The following LIMK1 variants were observed in gnomAD, a reference collection of about 807,000 sequenced individuals.
LIMK1 encodes LIM domain kinase 1.
Under a neutral mutation model 77.6 loss-of-function variants are expected in LIMK1, and 21 were observed. The ratio of observed to expected loss-of-function variants is 0.27; its 90% CI spans 0.19 to 0.39. LIMK1 has a LOEUF of 0.39. LIMK1 is among the 10% of genes least tolerant of loss of function. The pLI is 1.00. For missense variants in LIMK1, 696 were observed against 901.6 expected, an observed-to-expected ratio of 0.77 and a Z score of 2.92; for synonymous variants, 358 against 370.0, an observed-to-expected ratio of 0.97 and a Z score of 0.37.
rs201165415 is a variant in LIMK1, at chr7:74,121,217, G to A, written c.1860G>A (p.Gln620=). The change falls in exon 16 of 16, where the codon CAG becomes CAA. Residue 620 remains glutamine (Q), a synonymous_variant. Transcript: ENST00000336180. The part of the protein sequence containing the change: ...HLAGHLPLGP[Q]LEQLDRGFWE... ...CCGGCCACCTGCCACTGGGCCCACA[G>A]CTGGAGCAGCTGGACAGAGGTTTCT... is the stretch of plus-strand genomic sequence containing the variant. 7 of 1,613,868 alleles carry A rather than the reference G, an allele frequency of 4.3e-6. No homozygotes were observed. Among genetic ancestry groups the A allele is most frequent in the South Asian group, 1.1e-5 (1 of 91,078 alleles).
chr7:74,087,409 T>C (rs1425414179), intron 2 of LIMK1, among the ~76,000 whole-genome samples: 3 of 151,928 alleles, frequency 2.0e-5, no homozygotes, highest in African/African-American at 7.3e-5. Context: ...GTCTCAATTT[T>C]TAAAAAAGAA....
At chr7:74,118,169 G>T (rs1031868114) in intron 13 of LIMK1, among the ~76,000 whole-genome samples, 5 of 151,394 alleles carry the variant, frequency 3.3e-5, no homozygotes, top group Admixed American at 3.3e-4. Context: ...GAGGTCAAGA[G>T]ATTGAGACCA....
intron 12 of LIMK1, among the ~76,000 whole-genome samples, chr7:74,114,469 T>G (rs1344936366): frequency 1.3e-5 from 2 of 151,048 alleles, no homozygotes; most frequent in Non-Finnish European, 2.9e-5. Flanking sequence ...GAGGATCGCT[T>G]GAGCCTGGGA....
intron 5 of LIMK1, 40 bp downstream of exon 5, chr7:74,099,278 A>C (rs373252592): frequency 6.4e-7 from 1 of 1,573,440 alleles, no homozygotes; most frequent in Non-Finnish European, 8.6e-7. Context: ...CGGTGTGGCT[A>C]TGGCTGTTGA....
Position 74,097,074 on chromosome 7 carries a change from C to T in LIMK1, c.292-6C>T. On this transcript the variant is annotated splice_region_variant and splice_polypyrimidine_tract_variant and intron_variant, in intron 3 of 15. Coordinates refer to ENST00000336180, the MANE Select transcript of LIMK1 (RefSeq NM_002314.4). ...CTGGGCTGTTCCCTCCTCACCCCCG[C>T]ACCAGGTGGCTGGGGAGCTGAAGTA... is the stretch of plus-strand genomic sequence containing the variant. 1.9e-6 allele frequency: 3 copies of T among 1,606,270 alleles called. No homozygotes were observed. The highest frequency in any genetic ancestry group is 2.7e-5 in the African/African-American group (2 of 74,936).
chr7:74,118,425 CAG>C (rs1195530544), intron 13 of LIMK1, among the ~76,000 whole-genome samples: 9 of 134,444 alleles, frequency 6.7e-5, no homozygotes, highest in South Asian at 2.4e-4. Context: ...CACACACACA[CAG>C]AGTTAACATA....
intron 5 of LIMK1, among the ~76,000 whole-genome samples, chr7:74,099,606 T>C (rs1799414217): frequency 6.6e-6 from 1 of 151,544 alleles, no homozygotes; most frequent in African/African-American, 2.4e-5. Context: ...AGTGTGTGCC[T>C]ATAGTGCCAG....
At chr7:74,084,724 G>A (rs536009065) in intron 1 of LIMK1, among the ~76,000 whole-genome samples, 41 of 152,206 alleles carry the variant, frequency 2.7e-4, no homozygotes, top group Non-Finnish European at 5.1e-4. Context: ...TCCCTCACTG[G>A]GGCCCAAGGC....
At chr7:74,085,196 G>A (rs810539) in intron 1 of LIMK1, among the ~76,000 whole-genome samples, 3 of 151,920 alleles carry the variant, frequency 2.0e-5, no homozygotes, top group African/African-American at 7.3e-5. Context: ...GAGTACCCAG[G>A]TCTGCAGCCC....
intron 13 of LIMK1, among the ~76,000 whole-genome samples, chr7:74,118,377 A>AACACACACACAC (rs57707215): frequency 1.0e-3 from 136 of 130,128 alleles, no homozygotes; most frequent in East Asian, 3.7e-3. Flanking sequence ...CTCTGTGTCA[A>AACACACACACAC]ACACACACAC....
chr7:74,089,237 G>A lies in LIMK1; in HGVS notation c.152+3393G>A, dbSNP rs1365967677. On this transcript the variant is annotated intron_variant, in intron 2 of 15. Coordinates refer to ENST00000336180, the MANE Select transcript of LIMK1 (RefSeq NM_002314.4). ...CAGAGTAGGAAAGGCAGGGGCTGGC[G>A]GTGGCACATGCCTATAATCCCAGCC... is the stretch of plus-strand genomic sequence containing the variant. Among the ~76,000 whole-genome samples, 3 of 152,194 alleles carry A rather than the reference G, an allele frequency of 2.0e-5. 1 individual carries two copies. Among genetic ancestry groups the A allele is most frequent in the South Asian group, 4.1e-4 (2 of 4,832 alleles).
At chr7:74,118,559 G>A (rs557932722) in intron 13 of LIMK1, among the ~76,000 whole-genome samples, 1 of 152,086 alleles carries the variant, frequency 6.6e-6, no homozygotes, top group South Asian at 2.1e-4. Flanking sequence ...AGACCAGCCT[G>A]GCCAACACAG....
At chr7:74,105,633 G>T (rs1799552195) in intron 5 of LIMK1, among the ~76,000 whole-genome samples, 1 of 152,158 alleles carries the variant, frequency 6.6e-6, no homozygotes, top group Admixed American at 6.6e-5. Context: ...TCTTGTGTGG[G>T]TGGCCAGTGC....
chr7:74,095,943 G>A (rs1179089168), intron 2 of LIMK1, among the ~76,000 whole-genome samples: 5 of 148,960 alleles, frequency 3.4e-5, no homozygotes, highest in African/African-American at 1.0e-4. Context: ...TGCACACCTG[G>A]GGATTCTCCT....
chr7:74,099,020 C>G lies in LIMK1; in HGVS notation c.402-12C>G. 6.3e-7 allele frequency: 1 copy of G among 1,598,508 alleles called. No homozygotes were observed. Among genetic ancestry groups the G allele is most frequent in the Non-Finnish European group, 8.5e-7 (1 of 1,171,058 alleles). On this transcript the variant is annotated splice_polypyrimidine_tract_variant and intron_variant, in intron 4 of 15. Coordinates refer to ENST00000336180, the MANE Select transcript of LIMK1 (RefSeq NM_002314.4). ...TGACACTCTTTTCTTCCCACCCCGGCGGCTCTTGCAGCGGGCACTGCTACT... is the reference window on the plus strand; with the variant it reads ...TGACACTCTTTTCTTCCCACCCCGGGGGCTCTTGCAGCGGGCACTGCTACT...
chr7:74,099,054 G>C lies in LIMK1; in HGVS notation c.424G>C (p.Val142Leu). 2 of 1,612,422 alleles carry C rather than the reference G, an allele frequency of 1.2e-6. No individual in the cohort carries two copies. Among genetic ancestry groups the C allele is most frequent in the Non-Finnish European group, 1.7e-6 (2 of 1,179,974 alleles). ...CAGCGGGCACTGCTACTACCAGACT[G>C]TGGTGACCCCCGTCATCGAGCAGAT... Reference protein sequence around the residue: ...LYCGHCYYQTVVTPVIEQILP... With the variant: ...LYCGHCYYQTLVTPVIEQILP... The change falls in exon 5 of 16, where the codon GTG (valine) becomes CTG (leucine). Residue 142 changes from valine to leucine, a missense_variant. Physicochemically the swap from Val to Leu is conservative, Grantham distance 32 (BLOSUM62 1). Coordinates refer to ENST00000336180, the MANE Select transcript of LIMK1 (RefSeq NM_002314.4).
Position 74,121,999 on chromosome 7 carries a change from G to A in LIMK1, c.*698G>A, listed in dbSNP as rs996356793. ...AGCAGGTACCAAGCCTCAGGGTGAA[G>A]GGGGTCCCTTGAGGGAGCGTGGAGC... On this transcript the variant is annotated 3_prime_UTR_variant, in exon 16 of 16. Coordinates refer to ENST00000336180, the MANE Select transcript of LIMK1 (RefSeq NM_002314.4). 1.3e-5 allele frequency: 2 copies of A among 152,722 alleles called. No homozygotes were observed. Among genetic ancestry groups the A allele is most frequent in the African/African-American group, 4.8e-5 (2 of 41,452 alleles). The allele number at this position is 152,722 out of a possible 1,614,324, so 9.5% of individuals were successfully genotyped here.
Position 74,105,961 on chromosome 7 carries a change from G to A in LIMK1, c.695G>A (p.Arg232Gln), listed in dbSNP as rs537723113. The A allele has an allele frequency of 1.1e-5, 17 of 1,614,066 alleles. No individual in the cohort carries two copies. In the South Asian group the frequency reaches 1.1e-4, roughly 10 times the overall value. Residue 232 changes from arginine to glutamine, a missense_variant, in exon 6 of 16, where the codon CGA (arginine) becomes CAA (glutamine). Physicochemically the swap from Arg to Gln is conservative, Grantham distance 43. Coordinates refer to ENST00000336180, the MANE Select transcript of LIMK1 (RefSeq NM_002314.4). ...RILEINGTPI[R>Q]NVPLDEIDLL... ...TTGGAAATCAATGGCACGCCCATCC[G>A]AAATGTGCCCCTGGACGAGGTACGG...
At chr7:74,107,815 A>G (rs549621101) in intron 8 of LIMK1, 56 bp from the exon 9 acceptor site, 1 of 1,420,586 alleles carries the variant, frequency 7.0e-7, no homozygotes, top group South Asian at 1.2e-5. Flanking sequence ...GGGGCTTCCT[A>G]GAAGGCGGGC....
Sources: allele counts gnomAD v4.1 joint callset (sites outside exome capture counted in the v4.1 genomes callset), GRCh38; gene constraint gnomAD v4.1.1; transcripts MANE v1.5; gene names NCBI Gene and HGNC (gene_info 2026-07-23, HGNC 2026-07-21).